The following AGBL4 variants were observed in gnomAD, a reference collection of about 807,000 sequenced individuals.
The protein encoded by AGBL4 is AGBL carboxypeptidase 4.
A neutral mutation model predicts 66.4 loss-of-function variants in AGBL4; 58 were observed. That is an observed-to-expected ratio of 0.87 (90% CI 0.71 to 1.09). The LOEUF (loss-of-function observed/expected upper bound fraction) is 1.09, where lower values mean the gene tolerates loss of function less well. Ranked by LOEUF, AGBL4 falls within the 50% of genes least tolerant of loss-of-function variation. AGBL4 has a pLI of 0.00. For missense variants in AGBL4, 579 were observed against 631.0 expected (o/e 0.92, Z 0.88); for synonymous variants, 234 against 222.9 (o/e 1.05, Z -0.44).
intron 4 of AGBL4, among the ~76,000 whole-genome samples, chr1:49,145,841 T>C (rs1015993653): frequency 1.4e-4 from 21 of 152,136 alleles, no homozygotes; most frequent in African/African-American, 4.6e-4. Context: ...ATAGCCAAGA[T>C]TTGGAAGCAA....
chr1:49,465,210 TACAC>T (rs3054630), intron 3 of AGBL4, among the ~76,000 whole-genome samples: 35,641 of 116,550 alleles, frequency 0.31, 4,321 homozygotes, highest in Middle Eastern at 0.38. Context: ...TACCCCTACA[TACAC>T]ACACACACAC....
chr1:49,649,742 C>A (rs1035401864), intron 3 of AGBL4, among the ~76,000 whole-genome samples: 2 of 151,900 alleles, frequency 1.3e-5, no homozygotes, highest in African/African-American at 4.8e-5. Flanking sequence ...TCATTTGGAG[C>A]CATAAAACAT....
intron 3 of AGBL4, among the ~76,000 whole-genome samples, chr1:49,311,125 C>T (rs993059580): frequency 2.0e-5 from 3 of 151,952 alleles, no homozygotes; most frequent in African/African-American, 7.2e-5. Flanking sequence ...AGATAGTGAT[C>T]GGTATTATCA....
intron 8 of AGBL4, among the ~76,000 whole-genome samples, chr1:48,646,140 G>A (rs1424787898): frequency 6.6e-6 from 1 of 152,142 alleles, no homozygotes; most frequent in Non-Finnish European, 1.5e-5. Flanking sequence ...TGCCTTGGAA[G>A]GGAGGGAACA....
chr1:49,452,791 T>TC (rs1330526120), intron 3 of AGBL4, among the ~76,000 whole-genome samples: 1 of 151,786 alleles, frequency 6.6e-6, no homozygotes, highest in African/African-American at 2.4e-5. Flanking sequence ...AGGATAAGGA[T>TC]CCCCTAAAGG....
chr1:49,058,115 G>A (rs968522558), intron 4 of AGBL4, among the ~76,000 whole-genome samples: 7 of 152,154 alleles, frequency 4.6e-5, no homozygotes, highest in East Asian at 3.9e-4. Context: ...AATCATTCAC[G>A]TGAAGGCTTC....
intron 1 of AGBL4, among the ~76,000 whole-genome samples, chr1:49,957,446 G>A (rs1656712378): frequency 6.6e-6 from 1 of 151,884 alleles, no homozygotes; most frequent in African/African-American, 2.4e-5. Flanking sequence ...TCTGTCTGTT[G>A]TTGACAGTGG....
At chr1:49,313,525 C>G (rs1050614819) in intron 3 of AGBL4, among the ~76,000 whole-genome samples, 1 of 152,140 alleles carries the variant, frequency 6.6e-6, no homozygotes, top group Admixed American at 6.6e-5. Flanking sequence ...TCCACATGCT[C>G]TCCAGCATCT....
chr1:48,896,585 A>C (rs534626644), intron 5 of AGBL4, among the ~76,000 whole-genome samples: 2 of 152,330 alleles, frequency 1.3e-5, no homozygotes, highest in Non-Finnish European at 2.9e-5. Flanking sequence ...GACATTTAAT[A>C]ATGGCTGCAC....
chr1:49,742,964 G>A lies in AGBL4; in HGVS notation c.158-45527C>T, dbSNP rs936965773. On this transcript the variant is annotated intron_variant, in intron 2 of 13. Transcript: ENST00000371839. ...ATAAAAACCCTAGAAAAAAACCTAC[G>A]CAATACCATTCAGGACATAGGCATG... is the stretch of plus-strand genomic sequence containing the variant. Among the ~76,000 whole-genome samples, 9 of 152,088 alleles carry A rather than the reference G, an allele frequency of 5.9e-5. No individual in the cohort carries two copies. In the South Asian group the frequency reaches 6.2e-4, roughly 11 times the overall value.
intron 3 of AGBL4, among the ~76,000 whole-genome samples, chr1:49,650,438 C>T (rs187904323): frequency 5.3e-4 from 81 of 152,280 alleles, no homozygotes; most frequent in Non-Finnish European, 9.6e-4. Context: ...CTAGGAAATG[C>T]GGTCAGTAGC....
chr1:50,012,165 CA>C (rs34501869), intron 1 of AGBL4, among the ~76,000 whole-genome samples: 1,642 of 47,796 alleles, frequency 0.034, 10 homozygotes, highest in African/African-American at 0.11. Flanking sequence ...GACTCCGTCT[CA>C]AAAAAAAAAA....
At chr1:49,006,269 G>T (rs969005353) in intron 5 of AGBL4, among the ~76,000 whole-genome samples, 5 of 151,752 alleles carry the variant, frequency 3.3e-5, no homozygotes, top group African/African-American at 7.3e-5. Flanking sequence ...GGTGATGAAG[G>T]GCACCTGGAA....
chr1:48,770,014 C>A (rs544695428), intron 6 of AGBL4, among the ~76,000 whole-genome samples: 1 of 152,082 alleles, frequency 6.6e-6, no homozygotes, highest in Non-Finnish European at 1.5e-5. Flanking sequence ...CCTAAAATAC[C>A]CCTGACCTGC....
intron 3 of AGBL4, among the ~76,000 whole-genome samples, chr1:49,372,616 TTTCTTTCTTTCTTTCTTTCTTTCTTTC>T (rs1644375478): frequency 4.1e-5 from 1 of 24,620 alleles, no homozygotes; most frequent in Non-Finnish European, 8.8e-5. Flanking sequence ...TTTTTCTTTC[TTTCTTTCTTTCTTTCTTTCTTTCTTTC>T]TTTCTTTCTT....
intron 6 of AGBL4, among the ~76,000 whole-genome samples, chr1:48,862,391 C>T (rs930536580): frequency 3.3e-5 from 5 of 152,218 alleles, no homozygotes; most frequent in East Asian, 1.9e-4. Context: ...GGGTGATCTC[C>T]GCTCACTGCA....
intron 1 of AGBL4, among the ~76,000 whole-genome samples, chr1:49,886,287 C>T (rs549095006): frequency 1.3e-5 from 2 of 152,212 alleles, no homozygotes; most frequent in African/African-American, 4.8e-5. Flanking sequence ...AGCATCTATG[C>T]CTTCCTCACA....
intron 1 of AGBL4, among the ~76,000 whole-genome samples, chr1:50,014,745 G>A (rs560636022): frequency 1.3e-4 from 19 of 151,920 alleles, no homozygotes; most frequent in Admixed American, 3.3e-4. Context: ...GGCTGGTCTC[G>A]AACTCCTGAC....
chr1:48,544,965 A>T (rs1644135184), intron 11 of AGBL4, among the ~76,000 whole-genome samples: 1 of 152,210 alleles, frequency 6.6e-6, no homozygotes, highest in African/African-American at 2.4e-5. Flanking sequence ...GAGAACTAGA[A>T]TACTGTGTGA....
Sources: allele counts gnomAD v4.1 joint callset (sites outside exome capture counted in the v4.1 genomes callset), GRCh38; gene constraint gnomAD v4.1.1; transcripts MANE v1.5; gene names NCBI Gene and HGNC (gene_info 2026-07-23, HGNC 2026-07-21).